KCNH1: variants seen among roughly 807,000 people sequenced by gnomAD.
KCNH1 encodes the protein voltage-gated delayed rectifier potassium channel KCNH1.
Under a neutral mutation model 69.2 loss-of-function variants are expected in KCNH1, and 27 were observed. The observed-to-expected ratio is 0.39, with a 90% confidence interval of 0.29 to 0.54. KCNH1 has a LOEUF of 0.54. Among genes scored for constraint, KCNH1 ranks in the 20% least tolerant of loss-of-function variants. KCNH1 has a pLI of 0.68. For missense variants in KCNH1, 798 were observed against 1,261.6 expected, an observed-to-expected ratio of 0.63 and a Z score of 5.57; for synonymous variants, 456 against 487.7, an observed-to-expected ratio of 0.93 and a Z score of 0.86.
At chr1:210,932,560 A>T (rs1687697177) in intron 6 of KCNH1, among the ~76,000 whole-genome samples, 2 of 152,130 alleles carry the variant, frequency 1.3e-5, no homozygotes, top group South Asian at 2.1e-4. Context: ...TAAAAGATAC[A>T]CATTGGATGA....
intron 6 of KCNH1, among the ~76,000 whole-genome samples, chr1:211,003,740 G>C (rs1257744861): frequency 6.6e-6 from 1 of 152,136 alleles, no homozygotes; most frequent in Non-Finnish European, 1.5e-5. Flanking sequence ...TAAACTAAGA[G>C]CTAAATTATC....
intron 6 of KCNH1, among the ~76,000 whole-genome samples, chr1:210,958,815 C>A (rs1293344141): frequency 6.6e-6 from 1 of 151,812 alleles, no homozygotes; most frequent in African/African-American, 2.4e-5. Context: ...TTCGTCTAAC[C>A]TTTTTTCAAG....
intron 9 of KCNH1, among the ~76,000 whole-genome samples, chr1:210,788,164 C>T (rs1336501170): frequency 6.6e-6 from 1 of 152,156 alleles, no homozygotes; most frequent in African/African-American, 2.4e-5. Flanking sequence ...AATATAAGTG[C>T]GTTAGAGAAA....
At chr1:211,070,314 A>G (rs1043111065) in intron 5 of KCNH1, among the ~76,000 whole-genome samples, 4 of 151,736 alleles carry the variant, frequency 2.6e-5, no homozygotes, top group Non-Finnish European at 4.4e-5. Context: ...GCTACTCGGG[A>G]GGCTGAGGCA....
At position 210,766,207 on chromosome 1, in the gene KCNH1, C is replaced by T. The variant is rs116484319; in HGVS notation, c.2112+9141G>A. ...TCAATTATTGAACATTTACTTTGTA[C>T]CAAGCTCTAAAAAAGCTGATCAAGT... On this transcript the variant is annotated intron_variant, in intron 10 of 10. Transcript: ENST00000271751. 5.2e-3 allele frequency among the ~76,000 whole-genome samples: 784 copies of T among 152,138 alleles called. 3 individuals are homozygous for T. Among genetic ancestry groups the T allele is most frequent in the Non-Finnish European group, 8.5e-3 (575 of 68,008 alleles).
intron 7 of KCNH1, among the ~76,000 whole-genome samples, chr1:210,805,082 G>C (rs1015634096): frequency 2.0e-5 from 3 of 152,120 alleles, no homozygotes; most frequent in African/African-American, 7.2e-5. Flanking sequence ...GTCACCACGA[G>C]TGTGACCATG....
intron 9 of KCNH1, among the ~76,000 whole-genome samples, chr1:210,784,696 C>T (rs1684060145): frequency 6.7e-6 from 1 of 149,126 alleles, no homozygotes; most frequent in Non-Finnish European, 1.5e-5. Context: ...ATTCAAGAAA[C>T]ATTTGTTTCT....
In KCNH1 at chr1:210,684,031, G is replaced by A. The variant is rs761917857; in HGVS notation, c.2220C>T (p.Leu740=). ...ILPPDHPVRR[L]FQRFRQQKEA... ...CTTTCTGCTGTCGGAATCTCTGGAAGAGGCGCCGGACAGGGTGGTCCGGGG... is the reference window on the plus strand; with the variant it reads ...CTTTCTGCTGTCGGAATCTCTGGAAAAGGCGCCGGACAGGGTGGTCCGGGG... The change falls in exon 11 of 11, where the codon CTC becomes CTT. Residue 740 remains leucine, a synonymous_variant. Transcript: ENST00000271751. 2.5e-6 allele frequency: 4 copies of A among 1,584,256 alleles called. No individual in the cohort carries two copies. Among genetic ancestry groups the A allele is most frequent in the Non-Finnish European group, 3.4e-6 (4 of 1,160,896 alleles).
intron 10 of KCNH1, among the ~76,000 whole-genome samples, chr1:210,704,789 G>T (rs954627955): frequency 5.9e-5 from 9 of 152,136 alleles, no homozygotes; most frequent in Admixed American, 3.9e-4. Context: ...CACATAATTT[G>T]GTCTTTTATT....
At chr1:210,959,848 AC>A (rs1179743483) in intron 6 of KCNH1, among the ~76,000 whole-genome samples, 1 of 151,974 alleles carries the variant, frequency 6.6e-6, no homozygotes, top group Non-Finnish European at 1.5e-5. Context: ...AAATCCCCCG[AC>A]CCTTTGCACT....
At chr1:210,783,082 A>G (rs1459511427) in intron 9 of KCNH1, among the ~76,000 whole-genome samples, 1 of 152,260 alleles carries the variant, frequency 6.6e-6, no homozygotes, top group Non-Finnish European at 1.5e-5. Context: ...AGTAGCCACC[A>G]TAAAAGAAGA....
intron 7 of KCNH1, among the ~76,000 whole-genome samples, chr1:210,823,018 G>T (rs1017637391): frequency 6.6e-6 from 1 of 152,146 alleles, no homozygotes; most frequent in Non-Finnish European, 1.5e-5. Context: ...CATTATTGAT[G>T]AACTGAATTT....
chr1:210,763,906 A>G (rs1285075072), intron 10 of KCNH1, among the ~76,000 whole-genome samples: 1 of 152,152 alleles, frequency 6.6e-6, no homozygotes, highest in African/African-American at 2.4e-5. Flanking sequence ...CAGCGCAAAT[A>G]ACCAAGGCAA....
chr1:210,716,827 TATAG>T (rs1184270753), intron 10 of KCNH1, among the ~76,000 whole-genome samples: 1 of 152,122 alleles, frequency 6.6e-6, no homozygotes, highest in South Asian at 2.1e-4. Flanking sequence ...GGCATACACT[TATAG>T]ATAATCACGA....
At chr1:210,829,822 A>C (rs1247894107) in intron 7 of KCNH1, among the ~76,000 whole-genome samples, 2 of 151,950 alleles carry the variant, frequency 1.3e-5, no homozygotes, top group Non-Finnish European at 2.9e-5. Flanking sequence ...ATGATCCCCA[A>C]CTCCCCATAG....
chr1:210,726,178 G>A (rs1682585852), intron 10 of KCNH1, among the ~76,000 whole-genome samples: 1 of 152,088 alleles, frequency 6.6e-6, no homozygotes, highest in African/African-American at 2.4e-5. Flanking sequence ...CTACAAATTG[G>A]GGTAAATGAA....
intron 7 of KCNH1, among the ~76,000 whole-genome samples, chr1:210,834,858 T>C (rs546366653): frequency 6.6e-6 from 1 of 152,144 alleles, no homozygotes; most frequent in Non-Finnish European, 1.5e-5. Context: ...CTTCACCAAA[T>C]GCAGATTCTG....
At chr1:210,974,602 C>T (rs1574372023) in intron 6 of KCNH1, among the ~76,000 whole-genome samples, 1 of 132,266 alleles carries the variant, frequency 7.6e-6, no homozygotes, top group East Asian at 2.3e-4. Context: ...CTCACTCTGT[C>T]ACTCAGGCTG....
chr1:210,776,339 T>C (rs1683860960), intron 9 of KCNH1, among the ~76,000 whole-genome samples: 1 of 152,184 alleles, frequency 6.6e-6, no homozygotes, highest in South Asian at 2.1e-4. Flanking sequence ...TCCAGGATCC[T>C]CTCTATCCCT....
Sources: allele counts gnomAD v4.1 joint callset (sites outside exome capture counted in the v4.1 genomes callset), GRCh38; gene constraint gnomAD v4.1.1; transcripts MANE v1.5; gene names NCBI Gene and HGNC (gene_info 2026-07-23, HGNC 2026-07-21).